PLEKHG1: variants seen among roughly 807,000 people sequenced by gnomAD.
The protein encoded by PLEKHG1 is pleckstrin homology domain-containing family G member 1.
In PLEKHG1, 44 loss-of-function variants were observed where a neutral mutation model predicts 100.8. The observed-to-expected ratio is 0.44, with a 90% CI of 0.34 to 0.56. The LOEUF (loss-of-function observed/expected upper bound fraction) is 0.56. Among genes scored for constraint, PLEKHG1 ranks in the 20% least tolerant of loss-of-function variants. The probability of loss-of-function intolerance (pLI) is 0.01; values close to 1 mark genes in which losing one functional copy is unlikely to be tolerated. For synonymous variants in PLEKHG1, 640 were observed against 662.5 expected, an observed-to-expected ratio of 0.97 and a Z score of 0.52; for missense variants, 1,545 against 1,720.9, an observed-to-expected ratio of 0.90 and a Z score of 1.81.
intron 2 of PLEKHG1, among the ~76,000 whole-genome samples, chr6:150,754,194 C>T (rs1459152470): frequency 6.6e-6 from 1 of 152,126 alleles, no homozygotes; most frequent in Non-Finnish European, 1.5e-5. Context: ...ATGAGCAGGA[C>T]AGCCAATACT....
At chr6:150,675,009 C>T (rs188380494) in intron 3 of PLEKHG1, among the ~76,000 whole-genome samples, 10 of 152,172 alleles carry the variant, frequency 6.6e-5, no homozygotes, top group Non-Finnish European at 1.5e-4. Context: ...TAAAAAGACA[C>T]ACACAAATTG....
At chr6:150,695,519 T>C (rs1191428856) in intron 3 of PLEKHG1, among the ~76,000 whole-genome samples, 1 of 152,186 alleles carries the variant, frequency 6.6e-6, no homozygotes, top group Non-Finnish European at 1.5e-5. Flanking sequence ...TATAGGGCAG[T>C]GGTTAAGAAC....
intron 1 of PLEKHG1, among the ~76,000 whole-genome samples, chr6:150,625,521 G>A (rs1777472907): frequency 6.6e-6 from 1 of 151,882 alleles, no homozygotes; most frequent in African/African-American, 2.4e-5. Flanking sequence ...TGACAGAGTT[G>A]CACTCTTGTC....
At chr6:150,694,522 A>C (rs1377042019) in intron 3 of PLEKHG1, among the ~76,000 whole-genome samples, 1 of 152,056 alleles carries the variant, frequency 6.6e-6, no homozygotes, top group Non-Finnish European at 1.5e-5. Context: ...CAACATGGTG[A>C]AACCCCGTCT....
chr6:150,801,503 T>A (rs2128663728), intron 6 of PLEKHG1, among the ~76,000 whole-genome samples: 1 of 148,468 alleles, frequency 6.7e-6, no homozygotes, highest in African/African-American at 2.5e-5. Flanking sequence ...AGTGGTGTAA[T>A]CACAGATCAC....
chr6:150,743,198 G>A (rs745461450), intron 2 of PLEKHG1, among the ~76,000 whole-genome samples: 3 of 152,134 alleles, frequency 2.0e-5, no homozygotes, highest in Non-Finnish European at 2.9e-5. Context: ...TTTAGTGATG[G>A]TGTATCCCCC....
intron 3 of PLEKHG1, among the ~76,000 whole-genome samples, chr6:150,677,967 G>A (rs1055545393): frequency 6.7e-6 from 1 of 150,316 alleles, no homozygotes; most frequent in African/African-American, 2.4e-5. Context: ...ATAGGTCAAT[G>A]TGTTCCCTGA....
At chr6:150,802,862 A>G (rs528854771) in intron 6 of PLEKHG1, among the ~76,000 whole-genome samples, 4 of 152,062 alleles carry the variant, frequency 2.6e-5, no homozygotes, top group Middle Eastern at 3.4e-3. Context: ...GGGTTTCACC[A>G]TGTTGGCCAG....
chr6:150,726,666 T>C (rs1304937561), intron 1 of PLEKHG1, among the ~76,000 whole-genome samples: 1 of 152,152 alleles, frequency 6.6e-6, no homozygotes, highest in Non-Finnish European at 1.5e-5. Context: ...TAACAAGATT[T>C]TTTTTTCACT....
At chr6:150,622,236 A>C (rs1309939529) in intron 1 of PLEKHG1, among the ~76,000 whole-genome samples, 2 of 152,260 alleles carry the variant, frequency 1.3e-5, no homozygotes, top group African/African-American at 4.8e-5. Context: ...GCACTCTTCT[A>C]CATGCTGTGG....
intron 3 of PLEKHG1, among the ~76,000 whole-genome samples, chr6:150,704,251 C>T (rs1315158242): frequency 6.6e-6 from 1 of 152,292 alleles, no homozygotes; most frequent in East Asian, 1.9e-4. Flanking sequence ...AGACATAAAC[C>T]TTCCTCTGGT....
intron 14 of PLEKHG1, among the ~76,000 whole-genome samples, chr6:150,824,339 C>T (rs1242893485): frequency 6.6e-6 from 1 of 152,150 alleles, no homozygotes; most frequent in East Asian, 1.9e-4. Flanking sequence ...GCTTAATTAA[C>T]AATTCTTAGA....
intron 1 of PLEKHG1, among the ~76,000 whole-genome samples, chr6:150,614,760 C>T (rs73619646): frequency 0.02 from 3,096 of 152,248 alleles, 94 homozygotes; most frequent in African/African-American, 0.07. Flanking sequence ...TGGTCTCCTG[C>T]GGAGTGGAAA....
At chr6:150,629,190 G>A (rs1777640036) in intron 1 of PLEKHG1, among the ~76,000 whole-genome samples, 1 of 152,162 alleles carries the variant, frequency 6.6e-6, no homozygotes. Context: ...TTGAAGCGAT[G>A]CTTCTCACAG....
intron 3 of PLEKHG1, among the ~76,000 whole-genome samples, chr6:150,653,641 A>T (rs1374700397): frequency 2.0e-5 from 3 of 152,088 alleles, no homozygotes; most frequent in Admixed American, 2.0e-4. Context: ...GTCCTAGCTT[A>T]GGAGGCTGAG....
chr6:150,733,467 G>T, intron 1 of PLEKHG1, 117 bp from the exon 3 acceptor site: 1 of 855,124 alleles, frequency 1.2e-6, no homozygotes, highest in Non-Finnish European at 1.7e-6. Flanking sequence ...CATCCCTTCT[G>T]TAATTGGCCA....
At chr6:150,771,365 C>T (rs561458782) in intron 3 of PLEKHG1, among the ~76,000 whole-genome samples, 9 of 151,682 alleles carry the variant, frequency 5.9e-5, no homozygotes, top group African/African-American at 1.4e-4. Flanking sequence ...TGCAGTGAGC[C>T]GAGATCGCGC....
intron 2 of PLEKHG1, among the ~76,000 whole-genome samples, chr6:150,649,354 A>G (rs1778622403): frequency 3.9e-5 from 6 of 152,170 alleles, no homozygotes; most frequent in African/African-American, 1.4e-4. Flanking sequence ...CTATTTTTAT[A>G]ATAATAATAA....
At chr6:150,822,639 C>T (rs779005467) in intron 13 of PLEKHG1, among the ~76,000 whole-genome samples, 3 of 152,206 alleles carry the variant, frequency 2.0e-5, no homozygotes, top group African/African-American at 4.8e-5. Context: ...AGAGTGTCCA[C>T]GTATATTTAG....
Sources: allele counts gnomAD v4.1 joint callset (sites outside exome capture counted in the v4.1 genomes callset), GRCh38; gene constraint gnomAD v4.1.1; transcripts MANE v1.5; gene names NCBI Gene and HGNC (gene_info 2026-07-23, HGNC 2026-07-21).